The following CNTNAP2 variants were observed in gnomAD, a reference collection of about 807,000 sequenced individuals.
CNTNAP2 encodes the protein contactin-associated protein-like 2.
In CNTNAP2, 98 loss-of-function variants were observed where a neutral mutation model predicts 155.2. That is an observed-to-expected ratio of 0.63 (90% CI 0.54 to 0.75). CNTNAP2 has a LOEUF of 0.75. Among genes scored for constraint, CNTNAP2 ranks in the 30% least tolerant of loss-of-function variants. CNTNAP2 has a pLI of 0.00. For synonymous variants in CNTNAP2, 651 were observed against 631.2 expected, an observed-to-expected ratio of 1.03 and a Z score of -0.47; for missense variants, 1,727 against 1,688.1, an observed-to-expected ratio of 1.02 and a Z score of -0.40.
At chr7:148,125,655 CTG>C (rs763817928) in intron 16 of CNTNAP2, among the ~76,000 whole-genome samples, 27,754 of 136,024 alleles carry the variant, frequency 0.2, 3,185 homozygotes, top group African/African-American at 0.31. Context: ...TATTATAAAA[CTG>C]TGTGTGTGTG....
At chr7:147,933,775 A>T (rs1221911230) in intron 14 of CNTNAP2, among the ~76,000 whole-genome samples, 1 of 152,148 alleles carries the variant, frequency 6.6e-6, no homozygotes, top group African/African-American at 2.4e-5. Flanking sequence ...AGGTGGGAGA[A>T]TCGATTGAAT....
At chr7:148,111,314 A>G (rs1208606015) in intron 15 of CNTNAP2, among the ~76,000 whole-genome samples, 1 of 152,194 alleles carries the variant, frequency 6.6e-6, no homozygotes, top group East Asian at 1.9e-4. Context: ...AATTAAATTA[A>G]TATTCTCAGA....
intron 1 of CNTNAP2, among the ~76,000 whole-genome samples, chr7:146,218,178 T>G (rs1225289330): frequency 6.6e-6 from 1 of 152,098 alleles, no homozygotes; most frequent in East Asian, 1.9e-4. Context: ...CAAGACCCAG[T>G]CCAGCCAGTA....
At chr7:148,230,869 TA>T (rs1795949272) in intron 20 of CNTNAP2, among the ~76,000 whole-genome samples, 2 of 152,114 alleles carry the variant, frequency 1.3e-5, no homozygotes, top group African/African-American at 4.8e-5. Flanking sequence ...TGGCACACAT[TA>T]GGGGTGACAA....
At chr7:146,925,596 T>G (rs1796592364) in intron 3 of CNTNAP2, among the ~76,000 whole-genome samples, 1 of 152,082 alleles carries the variant, frequency 6.6e-6, no homozygotes, top group Admixed American at 6.6e-5. Flanking sequence ...GATCCAGTAG[T>G]TAAAGAAGGC....
At chr7:146,330,562 G>C (rs1801168656) in intron 1 of CNTNAP2, among the ~76,000 whole-genome samples, 1 of 152,058 alleles carries the variant, frequency 6.6e-6, no homozygotes. Context: ...GGACATGGAG[G>C]GTTTTATTTT....
chr7:146,993,619 G>C (rs1798250907), intron 3 of CNTNAP2, among the ~76,000 whole-genome samples: 1 of 152,086 alleles, frequency 6.6e-6, no homozygotes, highest in Non-Finnish European at 1.5e-5. Flanking sequence ...AGCAGGGAGA[G>C]CTCCCTCCTG....
intron 10 of CNTNAP2, among the ~76,000 whole-genome samples, chr7:147,456,583 G>A (rs916924132): frequency 1.3e-5 from 2 of 152,100 alleles, no homozygotes; most frequent in Non-Finnish European, 2.9e-5. Context: ...TTGTGACTCA[G>A]AAGAAAGGAA....
intron 1 of CNTNAP2, among the ~76,000 whole-genome samples, chr7:146,643,702 T>G (rs1286540040): frequency 1.3e-5 from 2 of 152,168 alleles, no homozygotes; most frequent in Non-Finnish European, 2.9e-5. Context: ...GTGAAGAAAG[T>G]CATTGGTAGC....
chr7:146,740,623 G>T (rs1041783832), intron 1 of CNTNAP2, among the ~76,000 whole-genome samples: 28 of 152,136 alleles, frequency 1.8e-4, no homozygotes, highest in Admixed American at 1.2e-3. Flanking sequence ...GTTCTGGGGC[G>T]CATCAGACTC....
At chr7:146,582,555 A>G (rs1194315442) in intron 1 of CNTNAP2, among the ~76,000 whole-genome samples, 5 of 152,156 alleles carry the variant, frequency 3.3e-5, no homozygotes, top group African/African-American at 1.2e-4. Flanking sequence ...GAAAGTCACA[A>G]GGTCAGACAC....
intron 21 of CNTNAP2, among the ~76,000 whole-genome samples, chr7:148,287,622 G>C (rs1797105581): frequency 6.6e-6 from 1 of 152,012 alleles, no homozygotes. Flanking sequence ...AATTTATAAA[G>C]AAAATGACTT....
intron 15 of CNTNAP2, among the ~76,000 whole-genome samples, chr7:148,102,942 A>G (rs1350325750): frequency 6.6e-6 from 1 of 152,190 alleles, no homozygotes; most frequent in Admixed American, 6.5e-5. Flanking sequence ...TTGGTTTTAT[A>G]CATTTTAGGG....
chr7:147,095,977 C>T (rs1026828730), intron 4 of CNTNAP2, among the ~76,000 whole-genome samples: 2 of 152,128 alleles, frequency 1.3e-5, no homozygotes, highest in Non-Finnish European at 2.9e-5. Context: ...GTAGTAAATG[C>T]ACCTTTTTCT....
At chr7:146,238,290 G>T (rs1349679080) in intron 1 of CNTNAP2, among the ~76,000 whole-genome samples, 2 of 152,182 alleles carry the variant, frequency 1.3e-5, no homozygotes, top group Non-Finnish European at 2.9e-5. Flanking sequence ...TAACATTTAA[G>T]TGGGTTAACA....
At chr7:146,280,997 C>A (rs1270707466) in intron 1 of CNTNAP2, among the ~76,000 whole-genome samples, 1 of 152,146 alleles carries the variant, frequency 6.6e-6, no homozygotes, top group Non-Finnish European at 1.5e-5. Context: ...AAGTGACCGT[C>A]AATTCCTGGA....
At chr7:146,697,574 A>C (rs1228129865) in intron 1 of CNTNAP2, among the ~76,000 whole-genome samples, 2 of 152,024 alleles carry the variant, frequency 1.3e-5, no homozygotes, top group African/African-American at 4.8e-5. Flanking sequence ...CCTTACTCAC[A>C]AGTCTGCTTT....
intron 1 of CNTNAP2, among the ~76,000 whole-genome samples, chr7:146,549,456 T>G (rs924862840): frequency 8.5e-5 from 13 of 152,070 alleles, no homozygotes; most frequent in Admixed American, 1.3e-4. Context: ...TTAAAAGTTA[T>G]TGAAAACCAT....
intron 22 of CNTNAP2, among the ~76,000 whole-genome samples, chr7:148,399,215 T>A (rs901675099): frequency 4.6e-5 from 7 of 152,154 alleles, no homozygotes; most frequent in Non-Finnish European, 8.8e-5. Flanking sequence ...TCTGGCTGTA[T>A]CCCGCATTGC....
Sources: allele counts gnomAD v4.1 joint callset (sites outside exome capture counted in the v4.1 genomes callset), GRCh38; gene constraint gnomAD v4.1.1; transcripts MANE v1.5; gene names NCBI Gene and HGNC (gene_info 2026-07-23, HGNC 2026-07-21).